MYH7: variants seen among roughly 807,000 people sequenced by gnomAD.
MYH7 encodes myosin heavy chain 7.
In MYH7, 129 loss-of-function variants were observed where a neutral mutation model predicts 225.4. The ratio of observed to expected loss-of-function variants is 0.57; its 90% confidence interval spans 0.50 to 0.66. MYH7 has a LOEUF of 0.66. Among genes scored for constraint, MYH7 ranks in the 30% least tolerant of loss-of-function variants. The probability of loss-of-function intolerance (pLI) is 0.00; values close to 1 mark genes in which losing one functional copy is unlikely to be tolerated. For synonymous variants in MYH7, 971 were observed against 1,007.6 expected (o/e 0.96, Z 0.69); for missense variants, 1,649 against 2,517.0 (o/e 0.66, Z 7.38).
At chr14:23,420,394 C>A in intron 26 of MYH7, among the ~76,000 whole-genome samples, 160 bp from the exon 27 acceptor site, 1 of 152,212 alleles carries the variant, frequency 6.6e-6, no homozygotes, top group East Asian at 1.9e-4. Flanking sequence ...TTTGAAGAGC[C>A]TTCCTTTAGG....
At position 23,425,663 on chromosome 14, in the gene MYH7, C is replaced by A. The variant is rs375959008; in HGVS notation, c.2286+32G>T. The A allele has an allele frequency of 1.9e-6, 3 of 1,613,850 alleles. No individual in the cohort carries two copies. Among genetic ancestry groups the A allele is most frequent in the Non-Finnish European group, 2.5e-6 (3 of 1,179,800 alleles). ...AGAGGAGTCAATGGAAAAGAGATGTCTTCCTTTAATTAATTAGTCTCCTTT... is the reference window on the plus strand; with the variant it reads ...AGAGGAGTCAATGGAAAAGAGATGTATTCCTTTAATTAATTAGTCTCCTTT... On this transcript the variant is annotated intron_variant, in intron 20 of 39. Coordinates refer to ENST00000355349, the MANE Select transcript of MYH7 (RefSeq NM_000257.4). This position sits in a 1 kb window ranked among gnomAD's most constrained non-coding sequence, Gnocchi z 4.6.
intron 1 of MYH7, among the ~76,000 whole-genome samples, chr14:23,434,675 G>A (rs1159174735): frequency 6.6e-6 from 1 of 152,174 alleles, no homozygotes; most frequent in Admixed American, 6.5e-5. Context: ...TGGCTTGCTT[G>A]GCCAAGAGCC....
Position 23,425,047 on chromosome 14 carries a change from G to A in MYH7, c.2424-23C>T, listed in dbSNP as rs754282847. 1.9e-6 allele frequency: 3 copies of A among 1,614,034 alleles called. No individual in the cohort carries two copies. Among genetic ancestry groups the A allele is most frequent in the African/African-American group, 1.3e-5 (1 of 74,928 alleles). ...TCTCTGCAGGGGCCCATTGAAAGGA[G>A]TGCTGAGCCTCCTGCCTCCTTCCTA... On this transcript the variant is annotated intron_variant, in intron 21 of 39. Transcript: ENST00000355349. The surrounding 1 kb of genome is among the most constrained non-coding windows in gnomAD (Gnocchi z 4.6).
rs371898076 is a variant in MYH7 at position 23,426,833 on chromosome 14, C to T, written c.1988G>A (p.Arg663His). 9.9e-6 allele frequency: 16 copies of T among 1,613,626 alleles called. No homozygotes were observed. Among genetic ancestry groups the T allele is most frequent in the East Asian group, 2.2e-5 (1 of 44,846 alleles). The change falls in exon 18 of 40, where the codon CGC (arginine) becomes CAC (histidine). Residue 663 changes from arginine to histidine, a missense_variant. This residue lies in a region of MYH7 where 112 missense variants were observed against 161.9 expected (regional missense o/e 0.69). Transcript: ENST00000355349. ...ENLNKLMTNL[R>H]STHPHFVRCI... The stretch of plus-strand genomic sequence containing the variant: ...ACGTACAAAGTGGGGATGGGTGGAG[C>T]GCAAGTTGGTCATCAGCTTGTTCAG...
Position 23,429,363 on chromosome 14 carries a change from A to C in MYH7, c.1139-16T>G. The C allele has an allele frequency of 6.2e-7, 1 of 1,608,046 alleles. No homozygotes were observed. Among genetic ancestry groups the C allele is most frequent in the East Asian group, 2.2e-5 (1 of 44,864 alleles). On this transcript the variant is annotated splice_polypyrimidine_tract_variant and intron_variant, in intron 12 of 39. Coordinates refer to ENST00000355349, the MANE Select transcript of MYH7 (RefSeq NM_000257.4). The stretch of plus-strand genomic sequence containing the variant: ...TTGTCAGCCTCTGGAAGGAAAAGGC[A>C]AGTAGCAAAGTTGGTAAAGAGATGA...
chr14:23,425,220 C>T lies in MYH7; in HGVS notation c.2423+62G>A. On this transcript the variant is annotated intron_variant, in intron 21 of 39. Transcript: ENST00000355349. This position sits in a 1 kb window ranked among gnomAD's most constrained non-coding sequence, Gnocchi z 4.6. ...AGATCTGCTGAGCTTTTTTTCCTGA[C>T]ACTGCCCCTGAACCAGCCTGGGCCT... 1 of 1,613,792 alleles carries T rather than the reference C, an allele frequency of 6.2e-7. No homozygotes were observed. Among genetic ancestry groups the T allele is most frequent in the Non-Finnish European group, 8.5e-7 (1 of 1,179,870 alleles).
chr14:23,425,956 A>T lies in MYH7; in HGVS notation c.2162+8T>A, dbSNP rs751480259. 1.2e-6 allele frequency: 2 copies of T among 1,613,494 alleles called. No individual in the cohort carries two copies. The highest frequency in any genetic ancestry group is 4.5e-5 in the East Asian group (2 of 44,880). Reference sequence around the variant, plus strand: ...GTTCTATGAGCTCTGGTGCACCCTCATACCCACCTCTGCCGGAAGTCCCCG... The same window carrying T: ...GTTCTATGAGCTCTGGTGCACCCTCTTACCCACCTCTGCCGGAAGTCCCCG... On this transcript the variant is annotated splice_region_variant and intron_variant, in intron 19 of 39. Coordinates refer to ENST00000355349, the MANE Select transcript of MYH7 (RefSeq NM_000257.4). The surrounding 1 kb of genome is among the most constrained non-coding windows in gnomAD (Gnocchi z 4.6).
In MYH7 at chr14:23,415,801, C is replaced by T. The variant is rs370328209; in HGVS notation, c.4985G>A (p.Arg1662His). The change falls in exon 35 of 40, where the codon CGT becomes CAT. Residue 1662 changes from arginine (R) to histidine (H), a missense_variant. Arg to His is a conservative substitution (Grantham distance 29). This residue lies in a region of MYH7 where 687 missense variants were observed against 913.8 expected (regional missense o/e 0.75). Transcript: ENST00000355349. The surrounding 1 kb of genome is among the most constrained non-coding windows in gnomAD (Gnocchi z 6.3). Reference sequence around the variant, plus strand: ...GTTCTCCTTCAGGTCGTCGTTGGCACGGACTGCATCGTCCAGCTGAATCTG... The same window carrying T: ...GTTCTCCTTCAGGTCGTCGTTGGCATGGACTGCATCGTCCAGCTGAATCTG... Reference protein sequence around the residue: ...DTQIQLDDAVRANDDLKENIA... With the variant: ...DTQIQLDDAVHANDDLKENIA... The T allele has an allele frequency of 3.2e-5, 52 of 1,614,092 alleles. No homozygotes were observed. The highest frequency in any genetic ancestry group is 1.6e-4 in the Middle Eastern group (1 of 6,084).
chr14:23,432,635 T>C lies in MYH7; in HGVS notation c.502+4A>G. ...TTCAGGAAGACCCTTCCAGGGCCTCTCACCTGTCAGCATGTACTGATAGGC... is the reference window on the plus strand; with the variant it reads ...TTCAGGAAGACCCTTCCAGGGCCTCCCACCTGTCAGCATGTACTGATAGGC... On this transcript the variant is annotated splice_donor_region_variant and intron_variant, in intron 5 of 39. Transcript: ENST00000355349. The C allele has an allele frequency of 6.2e-7, 1 of 1,614,116 alleles. No individual in the cohort carries two copies. The highest frequency in any genetic ancestry group is 8.5e-7 in the Non-Finnish European group (1 of 1,180,012).
chr14:23,425,323 A>C lies in MYH7; in HGVS notation c.2382T>G (p.Gly794=). The change falls in exon 21 of 40, where the codon GGT becomes GGG. Residue 794 remains glycine, a synonymous_variant. Coordinates refer to ENST00000355349, the MANE Select transcript of MYH7 (RefSeq NM_000257.4). The surrounding 1 kb of genome is among the most constrained non-coding windows in gnomAD (Gnocchi z 4.6). The part of the protein sequence containing the change: ...IITRIQAQSR[G]VLARMEYKKL... ...TTTTGTACTCCATTCTGGCGAGCAC[A>C]CCTCGGGACTGGGCCTGGATACGCG... is the stretch of plus-strand genomic sequence containing the variant. 1 of 1,614,026 alleles carries C rather than the reference A, an allele frequency of 6.2e-7. No homozygotes were observed. The highest frequency in any genetic ancestry group is 8.5e-7 in the Non-Finnish European group (1 of 1,180,014).
chr14:23,421,086 G>T, intron 25 of MYH7, 38 bp from the exon 26 acceptor site: 1 of 1,513,596 alleles, frequency 6.6e-7, no homozygotes, highest in Non-Finnish European at 9.2e-7. Flanking sequence ...AGGGAGACTC[G>T]TGGGGCCTCA....
chr14:23,419,765 A>G (rs777873253), intron 27 of MYH7, 80 bp downstream of exon 27: 16 of 1,613,618 alleles, frequency 9.9e-6, no homozygotes, highest in African/African-American at 9.3e-5. Flanking sequence ...AAAATGAACC[A>G]TGAAGGAAGA....
At chr14:23,432,542 T>C (rs1409774698) in intron 5 of MYH7, 36 bp from the exon 6 acceptor site, 1 of 1,613,996 alleles carries the variant, frequency 6.2e-7, no homozygotes, top group African/African-American at 1.3e-5. Flanking sequence ...GGTCAGGAGC[T>C]GCACAGGATG....
chr14:23,417,539 A>T lies in MYH7; in HGVS notation c.4317T>A (p.Ala1439=). Residue 1439 remains alanine (A), a synonymous_variant, in exon 31 of 40, where the codon GCT becomes GCA. Transcript: ENST00000355349. ...MVDVERSNAA[A]AALDKKQRNF... ...TCCTCTGCTTCTTGTCCAGGGCTGCAGCAGCAGCATTGGAGCGCTCTACGT... is the reference window on the plus strand; with the variant it reads ...TCCTCTGCTTCTTGTCCAGGGCTGCTGCAGCAGCATTGGAGCGCTCTACGT... 6.2e-7 allele frequency: 1 copy of T among 1,612,334 alleles called. No homozygotes were observed. The highest frequency in any genetic ancestry group is 1.3e-5 in the African/African-American group (1 of 74,998).
At position 23,425,864 on chromosome 14, in the gene MYH7, G is replaced by T; in HGVS notation, c.2163-46C>A. On this transcript the variant is annotated intron_variant, in intron 19 of 39. Transcript: ENST00000355349. The surrounding 1 kb of genome is among the most constrained non-coding windows in gnomAD (Gnocchi z 4.6). ...AGTCACCCATGCTCTGCAGTGATCTGCTCTGCCCATAGAATTCCAGGGTCA... is the reference window on the plus strand; with the variant it reads ...AGTCACCCATGCTCTGCAGTGATCTTCTCTGCCCATAGAATTCCAGGGTCA... The T allele has an allele frequency of 6.2e-7, 1 of 1,613,392 alleles. No homozygotes were observed. Among genetic ancestry groups the T allele is most frequent in the Non-Finnish European group, 8.5e-7 (1 of 1,179,970 alleles).
intron 1 of MYH7, among the ~76,000 whole-genome samples, chr14:23,435,393 CACACA>C (rs1893102412): frequency 6.6e-6 from 1 of 152,006 alleles, no homozygotes; most frequent in African/African-American, 2.4e-5. Flanking sequence ...CACACACACA[CACACA>C]CCCTGTAATG....
Position 23,415,660 on chromosome 14 carries a change from G to C in MYH7, c.5126C>G (p.Thr1709Ser). 4 of 1,613,976 alleles carry C rather than the reference G, an allele frequency of 2.5e-6. No individual in the cohort carries two copies. The highest frequency in any genetic ancestry group is 1.3e-5 in the African/African-American group (1 of 75,068). ...ATGCAGCAGCTGCACCCGCTCACTA[G>C]TCTCAATCAGCTCCTGCTCCGCCAG... ...RKLAEQELIE[T>S]SERVQLLHSQ... Residue 1709 changes from threonine to serine, a missense_variant, in exon 35 of 40, where the codon ACT becomes AGT. Physicochemically the swap from Thr to Ser is moderately conservative, Grantham distance 58. Coordinates refer to ENST00000355349, the MANE Select transcript of MYH7 (RefSeq NM_000257.4). The surrounding 1 kb of genome is among the most constrained non-coding windows in gnomAD (Gnocchi z 6.3).
chr14:23,423,725 T>G lies in MYH7; in HGVS notation c.2923-2A>C. 4 of 1,614,134 alleles carry G rather than the reference T, an allele frequency of 2.5e-6. No homozygotes were observed. Among genetic ancestry groups the G allele is most frequent in the Non-Finnish European group, 3.4e-6 (4 of 1,180,040 alleles). Reference sequence around the variant, plus strand: ...CATCTCCTCTGTCAGGTTTTTCACCTGCCGACCAAGAATCCCATCTCCTTT... The same window carrying G: ...CATCTCCTCTGTCAGGTTTTTCACCGGCCGACCAAGAATCCCATCTCCTTT... On this transcript the variant is annotated splice_acceptor_variant, in intron 23 of 39. Coordinates refer to ENST00000355349, the MANE Select transcript of MYH7 (RefSeq NM_000257.4). LOFTEE classifies it high-confidence loss of function.
Position 23,424,008 on chromosome 14 carries a change from G to T in MYH7, c.2821C>A (p.Arg941Ser), listed in dbSNP as rs750435648. ...EMNAELTAKK[R>S]KLEDECSELK... ...TCTGAGCACTCATCTTCCAGCTTGCGCTTCTTGGCAGTGAGCTCAGCATTC... is the reference window on the plus strand; with the variant it reads ...TCTGAGCACTCATCTTCCAGCTTGCTCTTCTTGGCAGTGAGCTCAGCATTC... The change falls in exon 23 of 40, where the codon CGC becomes AGC. Residue 941 changes from arginine (R) to serine (S), a missense_variant. Coordinates refer to ENST00000355349, the MANE Select transcript of MYH7 (RefSeq NM_000257.4). The T allele has an allele frequency of 1.2e-6, 2 of 1,614,194 alleles. No individual in the cohort carries two copies. The highest frequency in any genetic ancestry group is 1.7e-6 in the Non-Finnish European group (2 of 1,180,044).
Sources: allele counts gnomAD v4.1 joint callset (sites outside exome capture counted in the v4.1 genomes callset), GRCh38; gene constraint gnomAD v4.1.1; regional missense constraint gnomAD v4.1.1; non-coding constraint Gnocchi (gnomAD v3.1); transcripts MANE v1.5; gene names NCBI Gene and HGNC (gene_info 2026-07-23, HGNC 2026-07-21).